The following TBC1D13 variants were observed in gnomAD, a reference collection of about 807,000 sequenced individuals.
TBC1D13 encodes the protein epididymis secretory sperm binding protein.
Under a neutral mutation model 53.6 loss-of-function variants are expected in TBC1D13, and 40 were observed. The ratio of observed to expected loss-of-function variants is 0.75; its 90% CI spans 0.58 to 0.97. TBC1D13 has a LOEUF of 0.97. Ranked by LOEUF, TBC1D13 falls within the 50% of genes least tolerant of loss-of-function variation. The pLI, the probability that TBC1D13 is intolerant of heterozygous loss-of-function variation, is 0.00. For missense variants in TBC1D13, 377 were observed against 499.4 expected (o/e 0.75, Z 2.34); for synonymous variants, 182 against 197.7 (o/e 0.92, Z 0.67).
At chr9:128,805,250 C>T (rs1829810504) in intron 9 of TBC1D13, among the ~76,000 whole-genome samples, 1 of 152,066 alleles carries the variant, frequency 6.6e-6, no homozygotes, top group South Asian at 2.1e-4. Flanking sequence ...AGAGAGGAGC[C>T]CTCGAGGTCA....
In TBC1D13 at chr9:128,807,827, C is replaced by G. The variant is rs1829865153; in HGVS notation, c.1151C>G (p.Thr384Arg). The change falls in exon 12 of 12, where the codon ACA becomes AGA. Residue 384 changes from threonine to arginine, a missense_variant. By Grantham distance (71) the Thr-to-Arg change is moderately conservative. Transcript: ENST00000372648. ...TCCTGTGCCCAGGACTACCCCATCACAGATGTCTGCCAGATCCTGCAGAAA... is the reference window on the plus strand; with the variant it reads ...TCCTGTGCCCAGGACTACCCCATCAGAGATGTCTGCCAGATCCTGCAGAAA... ...NMRLLQDYPI[T>R]DVCQILQKAK... 1 of 1,614,206 alleles carries G rather than the reference C, an allele frequency of 6.2e-7. No homozygotes were observed. Among genetic ancestry groups the G allele is most frequent in the Non-Finnish European group, 8.5e-7 (1 of 1,180,028 alleles).
chr9:128,802,504 T>A (rs1319730409), intron 7 of TBC1D13, among the ~76,000 whole-genome samples: 1 of 152,194 alleles, frequency 6.6e-6, no homozygotes, highest in Non-Finnish European at 1.5e-5. Context: ...TGCATGCCCC[T>A]TCCTAGTTAG....
rs376889344 is a variant in TBC1D13 at position 128,807,883 on chromosome 9, G to A, written c.*4G>A. The A allele has an allele frequency of 1.0e-4, 162 of 1,614,040 alleles. No homozygotes were observed. The highest frequency in any genetic ancestry group is 1.6e-4 in the Middle Eastern group (1 of 6,062). ...GGAGCTCCAAGACTCAAAGTAGCCC[G>A]GCGGCAAGAGGCCCATGTTCCGGAG... is the stretch of plus-strand genomic sequence containing the variant. On this transcript the variant is annotated 3_prime_UTR_variant, in exon 12 of 12. Transcript: ENST00000372648.
chr9:128,810,272 C>T lies in TBC1D13; in HGVS notation c.*2393C>T, dbSNP rs1009722394. Reference sequence around the variant, plus strand: ...GGCTTCCTGCTTGAGAACCTGCCCCCTGGATCTTGGACACTTACAGATTGA... The same window carrying T: ...GGCTTCCTGCTTGAGAACCTGCCCCTTGGATCTTGGACACTTACAGATTGA... On this transcript the variant is annotated 3_prime_UTR_variant, in exon 12 of 12. Transcript: ENST00000372648. The T allele has an allele frequency of 6.6e-6, 1 of 152,246 alleles. No homozygotes were observed. The highest frequency in any genetic ancestry group is 1.5e-5 in the Non-Finnish European group (1 of 68,072). 9.4% of individuals were successfully genotyped at this position (152,246 alleles called of 1,614,324 possible).
chr9:128,805,992 T>G lies in TBC1D13; in HGVS notation c.1052T>G (p.Leu351Arg). The G allele has an allele frequency of 6.2e-7, 1 of 1,614,170 alleles. No individual in the cohort carries two copies. The highest frequency in any genetic ancestry group is 8.5e-7 in the Non-Finnish European group (1 of 1,180,036). The change falls in exon 10 of 12, where the codon CTC (leucine) becomes CGC (arginine). Residue 351 changes from leucine (L) to arginine (R), a missense_variant. Physicochemically the swap from Leu to Arg is moderately radical, Grantham distance 102. Coordinates refer to ENST00000372648, the MANE Select transcript of TBC1D13 (RefSeq NM_018201.5). ...GCCGATGACAACCGCTTTGACTTCC[T>G]CCTCCTCGTCTGCTGCGCCATGCTC... ...LFADDNRFDF[L>R]LLVCCAMLML...
Position 128,791,487 on chromosome 9 carries a change from A to G in TBC1D13, c.200+46A>G, listed in dbSNP as rs553783654. The G allele has an allele frequency of 1.6e-5, 25 of 1,611,098 alleles. No individual in the cohort carries two copies. The Admixed American group carries it at 4.0e-4, about 26-fold the overall frequency. On this transcript the variant is annotated intron_variant, in intron 4 of 11. Transcript: ENST00000372648. ...AGTGACAGGAGGGCCCTTGCATGTGACAGAGCCAGTACCGCTGGGGCCGCC... is the reference window on the plus strand; with the variant it reads ...AGTGACAGGAGGGCCCTTGCATGTGGCAGAGCCAGTACCGCTGGGGCCGCC...
At chr9:128,800,425 C>T (rs1589572766) in intron 7 of TBC1D13, among the ~76,000 whole-genome samples, 1 of 135,036 alleles carries the variant, frequency 7.4e-6, no homozygotes, top group East Asian at 2.2e-4. Context: ...GGCTGGAGTG[C>T]AGTGGCACAA....
chr9:128,787,875 G>C (rs1471352872), intron 1 of TBC1D13, among the ~76,000 whole-genome samples: 2 of 152,074 alleles, frequency 1.3e-5, no homozygotes, highest in African/African-American at 4.8e-5. Flanking sequence ...CCTTCTGGCA[G>C]GCCCAGAGGT....
chr9:128,792,210 A>C (rs1333297360), intron 5 of TBC1D13, among the ~76,000 whole-genome samples: 2 of 152,196 alleles, frequency 1.3e-5, no homozygotes, highest in Non-Finnish European at 2.9e-5. Flanking sequence ...AAAGTTCTTG[A>C]GCTAGAGCAA....
chr9:128,804,408 ATTTT>A (rs775050479), intron 9 of TBC1D13, among the ~76,000 whole-genome samples: 1 of 141,324 alleles, frequency 7.1e-6, no homozygotes. Flanking sequence ...TGTTAACTTC[ATTTT>A]TTTTTTTTTT....
intron 1 of TBC1D13, 70 bp from the exon 2 acceptor site, chr9:128,788,264 A>AAACTG (rs1589563789): frequency 2.2e-6 from 3 of 1,375,298 alleles, no homozygotes; most frequent in Non-Finnish European, 1.0e-6. Flanking sequence ...AGTGTGAGGG[A>AAACTG]GCTGAGGGCT....
chr9:128,797,385 G>T (rs1054917452), intron 7 of TBC1D13, among the ~76,000 whole-genome samples, 171 bp downstream of exon 7: 15 of 152,180 alleles, frequency 9.9e-5, no homozygotes, highest in African/African-American at 3.6e-4. Flanking sequence ...GGGTAACAGA[G>T]GTTCACTGTG....
chr9:128,795,735 C>G (rs760451382), intron 6 of TBC1D13, among the ~76,000 whole-genome samples: 48 of 152,128 alleles, frequency 3.2e-4, no homozygotes, highest in Admixed American at 2.7e-3. Flanking sequence ...GCTGGGATTA[C>G]AGGCGTAAGC....
Position 128,809,143 on chromosome 9 carries a change from C to G in TBC1D13, c.*1264C>G, listed in dbSNP as rs1312027025. 6.6e-6 allele frequency: 1 copy of G among 152,358 alleles called. No homozygotes were observed. Among genetic ancestry groups the G allele is most frequent in the Non-Finnish European group, 1.5e-5 (1 of 68,178 alleles). 9.4% of individuals were successfully genotyped at this position (152,358 alleles called of 1,614,324 possible). On this transcript the variant is annotated 3_prime_UTR_variant, in exon 12 of 12. Coordinates refer to ENST00000372648, the MANE Select transcript of TBC1D13 (RefSeq NM_018201.5). ...TGAGCTTAAAGGCCCTGGGTCCTGC[C>G]AGTTCCAGGAGGGCCATGTCTGTGC...
chr9:128,806,679 A>G (rs1179351371), intron 11 of TBC1D13, among the ~76,000 whole-genome samples: 1 of 152,026 alleles, frequency 6.6e-6, no homozygotes, highest in Non-Finnish European at 1.5e-5. Context: ...GCGGTGGCTC[A>G]TGCCTATAAT....
chr9:128,804,392 G>A (rs2132551940), intron 9 of TBC1D13, among the ~76,000 whole-genome samples: 1 of 152,198 alleles, frequency 6.6e-6, no homozygotes, highest in African/African-American at 2.4e-5. Context: ...AGTCTTCTGA[G>A]GTAAGTGTTA....
intron 2 of TBC1D13, chr9:128,789,896 T>C (rs1286027884): frequency 6.6e-6 from 1 of 151,052 alleles, no homozygotes; most frequent in African/African-American, 2.4e-5. Flanking sequence ...TGAATTAGGA[T>C]GACATGGTGG....
chr9:128,799,174 G>A (rs745687818), intron 7 of TBC1D13, among the ~76,000 whole-genome samples: 5 of 152,348 alleles, frequency 3.3e-5, no homozygotes, highest in Non-Finnish European at 7.3e-5. Flanking sequence ...ACTCTTGGCT[G>A]CTGATTTCCT....
At chr9:128,788,746 GTCTT>G (rs1167458745) in intron 2 of TBC1D13, among the ~76,000 whole-genome samples, 1 of 152,052 alleles carries the variant, frequency 6.6e-6, no homozygotes, top group East Asian at 1.9e-4. Context: ...GCCCAGGACA[GTCTT>G]TCCTCATTCC....
Sources: gnomAD v4.1 joint callset for allele counts (sites outside exome capture counted in the v4.1 genomes callset) on GRCh38, gnomAD v4.1.1 for gene constraint, MANE v1.5 for transcripts, NCBI Gene and HGNC (gene_info 2026-07-23, HGNC 2026-07-21) for gene names.